NELL1: variants seen among roughly 807,000 people sequenced by gnomAD.
NELL1 encodes the protein neural EGFL like 1.
NELL1 carries 76 observed loss-of-function variants against 107.4 expected under a neutral mutation model. The ratio of observed to expected loss-of-function variants is 0.71; its 90% CI spans 0.59 to 0.86. NELL1 has a LOEUF of 0.86. Among genes scored for constraint, NELL1 ranks in the 40% least tolerant of loss-of-function variants. The pLI is 0.00. For missense variants in NELL1, 1,024 were observed against 1,005.5 expected (o/e 1.02, Z -0.25); for synonymous variants, 353 against 341.2 (o/e 1.03, Z -0.38).
intron 12 of NELL1, among the ~76,000 whole-genome samples, chr11:21,006,048 G>A (rs1357929621): frequency 6.6e-6 from 1 of 151,666 alleles, no homozygotes; most frequent in African/African-American, 2.4e-5. Context: ...GGGGGGGGGA[G>A]TGGGAAATTA....
At chr11:21,417,688 T>C (rs958992370) in intron 15 of NELL1, among the ~76,000 whole-genome samples, 2 of 152,020 alleles carry the variant, frequency 1.3e-5, no homozygotes, top group Non-Finnish European at 2.9e-5. Context: ...AGTAGATGAT[T>C]GTCAAAAGCA....
chr11:21,006,185 C>G (rs1420715507), intron 12 of NELL1, among the ~76,000 whole-genome samples: 11 of 152,008 alleles, frequency 7.2e-5, no homozygotes, highest in Middle Eastern at 3.4e-3. Flanking sequence ...AGCTTAATCC[C>G]CAAATTTAGA....
At chr11:21,007,645 G>A (rs1013904076) in intron 12 of NELL1, among the ~76,000 whole-genome samples, 4 of 151,712 alleles carry the variant, frequency 2.6e-5, no homozygotes, top group Admixed American at 6.6e-5. Flanking sequence ...TTGGTGTCTC[G>A]GTGATGGGTT....
chr11:20,732,461 G>T (rs1590242497), intron 2 of NELL1, among the ~76,000 whole-genome samples: 1 of 152,116 alleles, frequency 6.6e-6, no homozygotes, highest in African/African-American at 2.4e-5. Flanking sequence ...AGTCTAGCTG[G>T]GGAGGAAATA....
intron 14 of NELL1, chr11:21,260,283 G>T (rs1428459967): frequency 6.6e-6 from 1 of 151,784 alleles, no homozygotes; most frequent in Non-Finnish European, 1.5e-5. Context: ...CTGTTCTTCT[G>T]CTGGTAATTA....
At chr11:21,535,276 C>T (rs898352174) in intron 16 of NELL1, among the ~76,000 whole-genome samples, 1 of 152,168 alleles carries the variant, frequency 6.6e-6, no homozygotes, top group Non-Finnish European at 1.5e-5. Context: ...CAATCCAATT[C>T]TTTCATGTTG....
Position 21,229,353 on chromosome 11 carries a change from G to A in NELL1, c.1448G>A (p.Gly483Asp), listed in dbSNP as rs754365622. The change falls in exon 14 of 20, where the codon GGC becomes GAC. Residue 483 changes from glycine to aspartate, a missense_variant. Transcript: ENST00000357134. ...SCTEHDECGS[G>D]QHNCDENAIC... ...ACAGAACACGATGAATGTGGCAGCG[G>A]CCAGCACAACTGTGATGAGAATGCC... is the stretch of plus-strand genomic sequence containing the variant. 3 of 1,613,930 alleles carry A rather than the reference G, an allele frequency of 1.9e-6. No homozygotes were observed. Among genetic ancestry groups the A allele is most frequent in the Non-Finnish European group, 1.7e-6 (2 of 1,179,894 alleles).
chr11:21,207,157 C>G (rs1252064404), intron 13 of NELL1, among the ~76,000 whole-genome samples: 1 of 152,184 alleles, frequency 6.6e-6, no homozygotes, highest in Non-Finnish European at 1.5e-5. Flanking sequence ...TCTAAATGAT[C>G]TCTCTGGAAC....
At chr11:21,313,602 C>G (rs1590827920) in intron 14 of NELL1, among the ~76,000 whole-genome samples, 1 of 152,136 alleles carries the variant, frequency 6.6e-6, no homozygotes, top group Admixed American at 6.6e-5. Flanking sequence ...CAATATACTT[C>G]TTACAGTTCT....
At chr11:20,952,056 GAA>G (rs111641124) in intron 11 of NELL1, among the ~76,000 whole-genome samples, 1 of 148,214 alleles carries the variant, frequency 6.7e-6, no homozygotes, top group African/African-American at 2.5e-5. Context: ...GTTAAAGGAT[GAA>G]AAAAAAAAAA....
At chr11:21,309,268 A>ATATATATATG (rs1305874968) in intron 14 of NELL1, among the ~76,000 whole-genome samples, 7 of 36,156 alleles carry the variant, frequency 1.9e-4, no homozygotes, top group East Asian at 6.3e-4. Context: ...ATGTATATAT[A>ATATATATATG]TATATATATA....
intron 13 of NELL1, among the ~76,000 whole-genome samples, chr11:21,175,841 A>C (rs1434594173): frequency 6.6e-6 from 1 of 151,846 alleles, no homozygotes; most frequent in Non-Finnish European, 1.5e-5. Flanking sequence ...GTCAATGAAA[A>C]AGTTGAGGCT....
chr11:20,670,672 G>A (rs755090642), intron 1 of NELL1: 1 of 152,266 alleles, frequency 6.6e-6, no homozygotes, highest in African/African-American at 2.4e-5. Flanking sequence ...AGTAGATGCG[G>A]GGAGACTGGG....
intron 5 of NELL1, among the ~76,000 whole-genome samples, chr11:20,913,965 G>C (rs897065757): frequency 6.6e-6 from 1 of 151,946 alleles, no homozygotes. Context: ...ATGTTTGATT[G>C]GTATCTATCT....
At chr11:21,232,146 AT>A (rs375907168) in intron 14 of NELL1, among the ~76,000 whole-genome samples, 5,618 of 29,742 alleles carry the variant, frequency 0.19, 169 homozygotes, top group Non-Finnish European at 0.26. Flanking sequence ...CTAAAAAAAA[AT>A]AAAAAAAAAA....
At chr11:21,048,184 T>C (rs1384385382) in intron 12 of NELL1, among the ~76,000 whole-genome samples, 1 of 152,114 alleles carries the variant, frequency 6.6e-6, no homozygotes, top group Non-Finnish European at 1.5e-5. Flanking sequence ...CTATTGGTAG[T>C]TTTGAAGTTT....
intron 15 of NELL1, among the ~76,000 whole-genome samples, chr11:21,533,190 T>A (rs1223082356): frequency 6.6e-6 from 1 of 152,160 alleles, no homozygotes; most frequent in Non-Finnish European, 1.5e-5. Flanking sequence ...CTCTCTTTAC[T>A]TGGCCAGAAT....
At chr11:21,455,138 A>C (rs1853693369) in intron 15 of NELL1, among the ~76,000 whole-genome samples, 1 of 152,138 alleles carries the variant, frequency 6.6e-6, no homozygotes, top group African/African-American at 2.4e-5. Context: ...TTTCTTATGA[A>C]AATATATTCT....
chr11:20,702,328 A>G (rs1307845489), intron 2 of NELL1, among the ~76,000 whole-genome samples: 4 of 152,188 alleles, frequency 2.6e-5, no homozygotes, highest in African/African-American at 7.2e-5. Context: ...ATTGGTGTAT[A>G]AGAATGCTTG....
Sources: gnomAD v4.1 joint callset for allele counts (sites outside exome capture counted in the v4.1 genomes callset) on GRCh38, gnomAD v4.1.1 for gene constraint, MANE v1.5 for transcripts, NCBI Gene and HGNC (gene_info 2026-07-23, HGNC 2026-07-21) for gene names.